The following MYO9B variants were observed in gnomAD, a reference collection of about 807,000 sequenced individuals.
MYO9B encodes unconventional myosin-IXb.
In MYO9B, 71 loss-of-function variants were observed where a neutral mutation model predicts 229.5. That is an observed-to-expected ratio of 0.31 (90% confidence interval 0.26 to 0.38). The LOEUF is 0.38. Among genes scored for constraint, MYO9B ranks in the 10% least tolerant of loss-of-function variants. The pLI is 1.00. For missense variants in MYO9B, 2,255 were observed against 2,920.5 expected, an observed-to-expected ratio of 0.77 and a Z score of 5.25; for synonymous variants, 1,185 against 1,235.8, an observed-to-expected ratio of 0.96 and a Z score of 0.86.
chr19:17,169,570 T>G (rs1373570975), intron 11 of MYO9B, among the ~76,000 whole-genome samples: 1 of 151,918 alleles, frequency 6.6e-6, no homozygotes, highest in Non-Finnish European at 1.5e-5. Flanking sequence ...AAAACCACAG[T>G]AATCTATTCT....
At position 17,194,573 on chromosome 19, in the gene MYO9B, C is replaced by G. The variant is rs747225326; in HGVS notation, c.3146C>G (p.Ser1049Trp). 4 of 1,612,606 alleles carry G rather than the reference C, an allele frequency of 2.5e-6. No homozygotes were observed. Among genetic ancestry groups the G allele is most frequent in the Non-Finnish European group, 3.4e-6 (4 of 1,179,796 alleles). ...LQRKSFSQMI[S>W]EKQKAEEKER... ...CACTCCAGCTTCAGCCAGATGATCTCGGAGAAGCAGAAGGCAGAAGAGAAG... is the reference window on the plus strand; with the variant it reads ...CACTCCAGCTTCAGCCAGATGATCTGGGAGAAGCAGAAGGCAGAAGAGAAG... Residue 1049 changes from serine to tryptophan, a missense_variant, in exon 22 of 40, where the codon TCG becomes TGG. By Grantham distance (177) the Ser-to-Trp change is radical (BLOSUM62 -3). Coordinates refer to ENST00000682292, the MANE Select transcript of MYO9B (RefSeq NM_004145.4).
intron 2 of MYO9B, among the ~76,000 whole-genome samples, chr19:17,142,114 G>A (rs1285298446): frequency 1.3e-5 from 2 of 151,122 alleles, no homozygotes; most frequent in African/African-American, 4.9e-5. Context: ...CGAGGTCGAG[G>A]CTTGCAGTGA....
chr19:17,183,787 G>A (rs757913737), intron 15 of MYO9B, 42 bp from the exon 16 acceptor site: 3 of 1,519,046 alleles, frequency 2.0e-6, no homozygotes, highest in Non-Finnish European at 2.7e-6. Context: ...TCCCGACACT[G>A]TGTTCCTTTT....
chr19:17,135,720 C>T (rs2072261691), intron 2 of MYO9B, among the ~76,000 whole-genome samples: 1 of 152,080 alleles, frequency 6.6e-6, no homozygotes, highest in Non-Finnish European at 1.5e-5. Context: ...CGGGTAATCG[C>T]AGAACCAGAA....
Position 17,207,171 on chromosome 19 carries a change from G to A in MYO9B, c.5551G>A (p.Ala1851Thr), listed in dbSNP as rs759537296. 9.3e-6 allele frequency: 15 copies of A among 1,607,042 alleles called. No homozygotes were observed. The highest frequency in any genetic ancestry group is 3.3e-5 in the South Asian group (3 of 89,652). Residue 1851 changes from alanine (A) to threonine (T), a missense_variant, in exon 35 of 40, where the codon GCA becomes ACA. Transcript: ENST00000682292. ...MSPGALAIIF[A>T]PCLLRCPDNS... is the part of the protein sequence containing the mutation. ...ACCTGGGGCGCTGGCCATTATCTTC[G>A]CACCCTGCCTCCTGCGCTGCCCTGA...
intron 24 of MYO9B, among the ~76,000 whole-genome samples, chr19:17,199,946 C>T (rs1315067497): frequency 2.6e-5 from 4 of 151,306 alleles, no homozygotes; most frequent in South Asian, 4.2e-4. Context: ...CTCACTGCAA[C>T]CTGCAACCTC....
In MYO9B at chr19:17,189,117, C is replaced by T. The variant is rs932194424; in HGVS notation, c.2688+1072C>T. 1.3e-4 allele frequency among the ~76,000 whole-genome samples: 19 copies of T among 150,790 alleles called. No individual in the cohort carries two copies. In the East Asian group the frequency reaches 3.5e-3, roughly 28 times the overall value. On this transcript the variant is annotated intron_variant, in intron 19 of 39. Coordinates refer to ENST00000682292, the MANE Select transcript of MYO9B (RefSeq NM_004145.4). Reference sequence around the variant, plus strand: ...TGGAGGTTGCAATAAGCCGAGATCACGCCATTGCACTGCAGCCTGGCCAAC... The same window carrying T: ...TGGAGGTTGCAATAAGCCGAGATCATGCCATTGCACTGCAGCCTGGCCAAC...
chr19:17,128,761 C>T lies in MYO9B; in HGVS notation c.841-16636C>T, dbSNP rs76763162. ...AGTTCTGCTAGGAACTTGGAGAATA[C>T]AGGAAAGAAATAACAGGAGGTCCAA... On this transcript the variant is annotated intron_variant, in intron 2 of 39. Transcript: ENST00000682292. Among the ~76,000 whole-genome samples, 1,666 of 152,322 alleles carry T rather than the reference C, an allele frequency of 0.011. 160 individuals are homozygous for T. The East Asian group carries it at 0.24, about 22-fold the overall frequency.
intron 2 of MYO9B, among the ~76,000 whole-genome samples, chr19:17,126,713 G>T (rs2072122342): frequency 6.9e-6 from 1 of 145,860 alleles, no homozygotes; most frequent in Non-Finnish European, 1.5e-5. Flanking sequence ...TGCCCAGGCT[G>T]GAATGCAGTG....
In MYO9B at chr19:17,212,306, G is replaced by C; in HGVS notation, c.6470G>C (p.Gly2157Ala). Residue 2157 changes from glycine (G) to alanine (A), a missense_variant, in exon 40 of 40, where the codon GGC (glycine) becomes GCC (alanine). Around this residue, in one of 7 missense-constraint regions of MYO9B, gnomAD observed 331 missense variants for 332.5 expected, o/e 1.00. Coordinates refer to ENST00000682292, the MANE Select transcript of MYO9B (RefSeq NM_004145.4). The surrounding 1 kb of genome is among the most constrained non-coding windows in gnomAD (Gnocchi z 5.4). ...CCCCCCGCCTCGGGCCAGACCAATG[G>C]CTGAGAGCCACAGCTGACAAAGTCT... Reference protein sequence around the residue: ...CLPPASGQTNG With the variant: ...CLPPASGQTNA The C allele has an allele frequency of 6.7e-7, 1 of 1,493,572 alleles. No homozygotes were observed. The highest frequency in any genetic ancestry group is 8.8e-7 in the Non-Finnish European group (1 of 1,130,232). The allele number at this position is 1,493,572 out of a possible 1,614,324, so 92.5% of individuals were successfully genotyped here.
intron 8 of MYO9B, 73 bp from the exon 9 acceptor site, chr19:17,162,277 C>G: frequency 1.5e-6 from 2 of 1,297,036 alleles, no homozygotes; most frequent in Admixed American, 4.0e-5. Flanking sequence ...TGCACTCCAG[C>G]CTGGATGACA....
chr19:17,137,145 T>C (rs1285747799), intron 2 of MYO9B, among the ~76,000 whole-genome samples: 1 of 151,586 alleles, frequency 6.6e-6, no homozygotes, highest in East Asian at 1.9e-4. Context: ...GGAGAATTGC[T>C]TGAACCCAGG....
intron 1 of MYO9B, among the ~76,000 whole-genome samples, chr19:17,083,919 G>T (rs1195304435): frequency 6.6e-6 from 1 of 152,038 alleles, no homozygotes; most frequent in Non-Finnish European, 1.5e-5. Flanking sequence ...CCAAGGTGCT[G>T]GGATTGCAGA....
Position 17,154,021 on chromosome 19 carries a change from A to G in MYO9B, c.1053A>G (p.Gln351=). Residue 351 remains glutamine (Q), a synonymous_variant, in exon 5 of 40, where the codon CAA becomes CAG. Transcript: ENST00000682292. ...LLLGVSEEER[Q]EFQLKQPEDY... ...TTGGGGTCAGCGAGGAAGAGCGCCA[A>G]GAATTTCAGCTCAAGCAGCCTGAAG... The G allele has an allele frequency of 3.7e-6, 6 of 1,613,708 alleles. No individual in the cohort carries two copies. Among genetic ancestry groups the G allele is most frequent in the Non-Finnish European group, 5.1e-6 (6 of 1,179,852 alleles).
Position 17,187,921 on chromosome 19 carries a change from C to A in MYO9B, c.2578-14C>A. The A allele has an allele frequency of 6.4e-7, 1 of 1,565,926 alleles. No homozygotes were observed. Among genetic ancestry groups the A allele is most frequent in the Non-Finnish European group, 8.7e-7 (1 of 1,154,874 alleles). On this transcript the variant is annotated splice_polypyrimidine_tract_variant and intron_variant, in intron 18 of 39. Coordinates refer to ENST00000682292, the MANE Select transcript of MYO9B (RefSeq NM_004145.4). ...TCAAGGCCACCTGCCTGATGTCTCG[C>A]ATTCCCATTTCAGAAAGAGCTGTGC...
chr19:17,200,035 CTATTTTTTTG>C (rs2073090265), intron 24 of MYO9B, among the ~76,000 whole-genome samples: 1 of 151,968 alleles, frequency 6.6e-6, no homozygotes, highest in African/African-American at 2.4e-5. Flanking sequence ...TCACGCCCTG[CTATTTTTTTG>C]TATTTGTAAT....
chr19:17,092,952 T>G (rs565089836), intron 1 of MYO9B, among the ~76,000 whole-genome samples: 1 of 152,096 alleles, frequency 6.6e-6, no homozygotes, highest in South Asian at 2.1e-4. Context: ...GAAGTGTGTG[T>G]ATTCACATGT....
intron 1 of MYO9B, among the ~76,000 whole-genome samples, chr19:17,087,618 A>G (rs1334195677): frequency 6.6e-6 from 1 of 152,148 alleles, no homozygotes; most frequent in African/African-American, 2.4e-5. Flanking sequence ...TGGGTGGCTG[A>G]GGAGGCCACA....
chr19:17,108,310 G>A (rs1397393585), intron 2 of MYO9B, among the ~76,000 whole-genome samples: 1 of 152,170 alleles, frequency 6.6e-6, no homozygotes, highest in African/African-American at 2.4e-5. Flanking sequence ...GGCAATAAAC[G>A]TGCTTCCTGG....
Sources: gnomAD v4.1 joint callset for allele counts (sites outside exome capture counted in the v4.1 genomes callset) on GRCh38, gnomAD v4.1.1 for gene constraint, gnomAD v4.1.1 regional missense constraint, Gnocchi (gnomAD v3.1) non-coding constraint, MANE v1.5 for transcripts, NCBI Gene and HGNC (gene_info 2026-07-23, HGNC 2026-07-21) for gene names.